Variants in RRP1 observed in about 807,000 individuals in gnomAD.
RRP1 encodes ribosomal RNA processing protein 1 homolog A.
RRP1 carries 37 observed loss-of-function variants against 54.6 expected under a neutral mutation model. The observed-to-expected ratio is 0.68, with a 90% confidence interval of 0.52 to 0.89. The LOEUF (loss-of-function observed/expected upper bound fraction) is 0.89, where lower values mean the gene tolerates loss of function less well. RRP1 is among the 40% of genes least tolerant of loss of function. The pLI is 0.00. For missense variants in RRP1, 639 were observed against 612.5 expected (o/e 1.04, Z -0.46); for synonymous variants, 262 against 244.3 (o/e 1.07, Z -0.67).
chr21:43,792,676 AATT>A lies in RRP1; in HGVS notation c.223_225del (p.Leu75del). The A allele has an allele frequency of 6.2e-7, 1 of 1,614,060 alleles. No homozygotes were observed. The highest frequency in any genetic ancestry group is 2.2e-5 in the East Asian group (1 of 44,874). On this transcript the variant is annotated inframe_deletion, in exon 3 of 13. Coordinates refer to ENST00000497547, the MANE Select transcript of RRP1 (RefSeq NM_003683.6). ...TTTTTGTTGTTTCCTACACAGGAAG[AATT>A]AGGAAGGACTATTTCCCAGCTCGTT...
Position 43,799,696 on chromosome 21 carries a change from G to T in RRP1, c.891+47G>T, listed in dbSNP as rs765692076. On this transcript the variant is annotated intron_variant, in intron 9 of 12. Transcript: ENST00000497547. ...CTGTGCCCTCAGCCTTTGCCCCTCT[G>T]TGCTACCGCTTGCTCTGGAAGAGGA... The T allele has an allele frequency of 1.9e-6, 3 of 1,546,554 alleles. No homozygotes were observed. The African/African-American group carries it at 4.1e-5, about 21-fold the overall frequency.
chr21:43,800,849 C>G lies in RRP1; in HGVS notation c.990-13C>G. ...GCAGCTGTGGTAAGTGGGTATCTGT[C>G]TTACTCTTTCAGGCTGCAGGACCTG... On this transcript the variant is annotated splice_polypyrimidine_tract_variant and intron_variant, in intron 10 of 12. Coordinates refer to ENST00000497547, the MANE Select transcript of RRP1 (RefSeq NM_003683.6). 6.2e-7 allele frequency: 1 copy of G among 1,613,578 alleles called. No individual in the cohort carries two copies. Among genetic ancestry groups the G allele is most frequent in the Non-Finnish European group, 8.5e-7 (1 of 1,180,022 alleles).
Position 43,802,109 on chromosome 21 carries a change from A to G in RRP1, c.1010-165A>G, listed in dbSNP as rs893098994. The G allele has an allele frequency of 6.7e-6, 4 of 593,432 alleles. No homozygotes were observed. In the African/African-American group the frequency reaches 7.5e-5, roughly 11 times the overall value. The allele number at this position is 593,432 out of a possible 1,614,324, so 36.8% of individuals were successfully genotyped here. ...GCTTGGGTCTCAGCTGGTTCGTTTCAGCTGTGGCGGGTACTGAACACGCTG... is the reference window on the plus strand; with the variant it reads ...GCTTGGGTCTCAGCTGGTTCGTTTCGGCTGTGGCGGGTACTGAACACGCTG... On this transcript the variant is annotated intron_variant, in intron 11 of 12. Coordinates refer to ENST00000497547, the MANE Select transcript of RRP1 (RefSeq NM_003683.6).
At chr21:43,802,598 T>C (rs898259323) in intron 12 of RRP1, 1 of 547,282 alleles carries the variant, frequency 1.8e-6, no homozygotes, top group South Asian at 1.9e-5. Flanking sequence ...CTTCCTTGTC[T>C]GCAGCTCCCC....
At position 43,800,630 on chromosome 21, in the gene RRP1, CGCTGCGTCCTCCCT is replaced by C. The variant is rs766755860; in HGVS notation, c.989+20_989+33del. 6.2e-7 allele frequency: 1 copy of C among 1,609,448 alleles called. No homozygotes were observed. The highest frequency in any genetic ancestry group is 1.7e-5 in the Admixed American group (1 of 59,998). ...TGATCCGGAAGTGAGTGTGTGAGGG[CGCTGCGTCCTCCCT>C]GCTCCCCTTGGAGTTGCCCTTTCTT... On this transcript the variant is annotated intron_variant, in intron 10 of 12. Transcript: ENST00000497547.
At position 43,797,515 on chromosome 21, in the gene RRP1, C is replaced by A. The variant is rs891234992; in HGVS notation, c.516C>A (p.Ile172=). The A allele has an allele frequency of 3.7e-6, 6 of 1,614,096 alleles. No individual in the cohort carries two copies. The highest frequency in any genetic ancestry group is 5.1e-6 in the Non-Finnish European group (6 of 1,179,986). The stretch of plus-strand genomic sequence containing the variant: ...GTGTGAAGAGCCACTTCATCGAGAT[C>A]TTCCTGGAGGAGCTGACCAAAGTGG... ...PNGVKSHFIE[I]FLEELTKVGA... Residue 172 remains isoleucine, a synonymous_variant, in exon 6 of 13, where the codon ATC becomes ATA. Coordinates refer to ENST00000497547, the MANE Select transcript of RRP1 (RefSeq NM_003683.6).
At chr21:43,795,504 A>G (rs2085009788) in intron 5 of RRP1, among the ~76,000 whole-genome samples, 1 of 152,212 alleles carries the variant, frequency 6.6e-6, no homozygotes, top group Admixed American at 6.5e-5. Flanking sequence ...AAGGGTGTCC[A>G]GCCGAGGAGC....
At chr21:43,798,910 C>G (rs2085052937) in intron 8 of RRP1, among the ~76,000 whole-genome samples, 1 of 151,380 alleles carries the variant, frequency 6.6e-6, no homozygotes, top group African/African-American at 2.4e-5. Flanking sequence ...GACCCCCTCC[C>G]CACCGCCCCC....
chr21:43,795,257 G>A lies in RRP1; in HGVS notation c.422+7G>A, dbSNP rs1478877079. The A allele has an allele frequency of 5.0e-6, 8 of 1,613,986 alleles. No individual in the cohort carries two copies. Among genetic ancestry groups the A allele is most frequent in the South Asian group, 1.1e-5 (1 of 91,076 alleles). ...TGCAAGGCTGGGAAGAAAGGTGGGT[G>A]CGCGGCGGGCCTGCTCTGGGGGGAC... On this transcript the variant is annotated splice_region_variant and intron_variant, in intron 5 of 12. Transcript: ENST00000497547.
Position 43,789,677 on chromosome 21 carries a change from C to T in RRP1, c.48C>T (p.Arg16=), listed in dbSNP as rs1432780778. Residue 16 remains arginine, a synonymous_variant, in exon 1 of 13, where the codon CGC becomes CGT. Coordinates refer to ENST00000497547, the MANE Select transcript of RRP1 (RefSeq NM_003683.6). The part of the protein sequence containing the change: ...QLPPEIQLAQ[R]LAGNEQVTRD... ...CGCCTGAGATCCAGCTGGCTCAGCG[C>T]CTGGCGGGGAATGAGCAGGTGACCC... The T allele has an allele frequency of 1.3e-6, 2 of 1,573,262 alleles. No homozygotes were observed. Among genetic ancestry groups the T allele is most frequent in the Non-Finnish European group, 8.6e-7 (1 of 1,160,844 alleles).
Position 43,799,660 on chromosome 21 carries a change from TG to T in RRP1, c.891+14del, listed in dbSNP as rs767755589. ...GGCCCCGTTCTCCAGGTGGGTTCCC[TG>T]GGCTCATGGCTGTGCCCTCAGCCTT... On this transcript the variant is annotated intron_variant, in intron 9 of 12. Transcript: ENST00000497547. 1 of 1,604,964 alleles carries T rather than the reference TG, an allele frequency of 6.2e-7. No individual in the cohort carries two copies. Among genetic ancestry groups the T allele is most frequent in the Non-Finnish European group, 8.5e-7 (1 of 1,177,206 alleles).
At position 43,802,338 on chromosome 21, in the gene RRP1, G is replaced by C. The variant is rs766457415; in HGVS notation, c.1074G>C (p.Gln358His). The change falls in exon 12 of 13, where the codon CAG becomes CAC. Residue 358 changes from glutamine to histidine, a missense_variant. Coordinates refer to ENST00000497547, the MANE Select transcript of RRP1 (RefSeq NM_003683.6). Reference sequence around the variant, plus strand: ...GGCGCCTGCTTGAAGGGAGGCGGCAGAAGAAGACGAAGAAGCAGAAGCGTC... The same window carrying C: ...GGCGCCTGCTTGAAGGGAGGCGGCACAAGAAGACGAAGAAGCAGAAGCGTC... Reference protein sequence around the residue: ...ACRRLLEGRRQKKTKKQKRLL... With the variant: ...ACRRLLEGRRHKKTKKQKRLL... 6.2e-7 allele frequency: 1 copy of C among 1,614,030 alleles called. No individual in the cohort carries two copies. The highest frequency in any genetic ancestry group is 8.5e-7 in the Non-Finnish European group (1 of 1,179,996).
intron 8 of RRP1, among the ~76,000 whole-genome samples, chr21:43,798,995 C>T (rs2085054095): frequency 6.6e-6 from 1 of 151,890 alleles, no homozygotes; most frequent in Non-Finnish European, 1.5e-5. Flanking sequence ...GCTGAGGTGC[C>T]TGGCAGGTCC....
At chr21:43,800,987 G>T in intron 11 of RRP1, 106 bp downstream of exon 11, 1 of 1,206,456 alleles carries the variant, frequency 8.3e-7, no homozygotes, top group Admixed American at 1.7e-5. Context: ...GAGTCTCTTT[G>T]CAGAGAGGCC....
chr21:43,803,868 T>C lies in RRP1; in HGVS notation c.*94T>C, dbSNP rs1032749029. On this transcript the variant is annotated 3_prime_UTR_variant, in exon 13 of 13. Transcript: ENST00000497547. ...GGGCTGTTCTGTAGACTCAGGACCG[T>C]GGCTCCAGAACTCCTGTGCCAGGCG... The C allele has an allele frequency of 2.8e-5, 40 of 1,408,122 alleles. No individual in the cohort carries two copies. The African/African-American group carries it at 5.2e-4, about 18-fold the overall frequency. 87.2% of individuals were successfully genotyped at this position (1,408,122 alleles called of 1,614,324 possible).
intron 10 of RRP1, 60 bp from the exon 11 acceptor site, chr21:43,800,802 G>T: frequency 6.2e-7 from 1 of 1,609,638 alleles, no homozygotes. Flanking sequence ...TCTAGCTGGA[G>T]CTTCCTCCTC....
chr21:43,793,167 T>C (rs1050695708), intron 3 of RRP1, 152 bp from the exon 4 acceptor site: 1 of 685,466 alleles, frequency 1.5e-6, no homozygotes. Context: ...CAGATCCTGG[T>C]CCAGCAAGAT....
intron 8 of RRP1, among the ~76,000 whole-genome samples, chr21:43,798,531 T>G (rs2123416833): frequency 6.6e-6 from 1 of 152,254 alleles, no homozygotes; most frequent in East Asian, 1.9e-4. Context: ...TGTGAATCAC[T>G]TGCTCCTCGT....
At chr21:43,795,508 G>T (rs553602982) in intron 5 of RRP1, among the ~76,000 whole-genome samples, 1 of 152,186 alleles carries the variant, frequency 6.6e-6, no homozygotes, top group Non-Finnish European at 1.5e-5. Flanking sequence ...GTGTCCAGCC[G>T]AGGAGCTTCT....
Sources: gnomAD v4.1 joint callset for allele counts (sites outside exome capture counted in the v4.1 genomes callset) on GRCh38, gnomAD v4.1.1 for gene constraint, MANE v1.5 for transcripts, NCBI Gene and HGNC (gene_info 2026-07-23, HGNC 2026-07-21) for gene names.